HIPK2: variants seen among roughly 807,000 people sequenced by gnomAD.
The protein encoded by HIPK2 is homeodomain interacting protein kinase 2.
HIPK2 carries 27 observed loss-of-function variants against 113.7 expected under a neutral mutation model. That is an observed-to-expected ratio of 0.24 (90% CI 0.17 to 0.33). The LOEUF (loss-of-function observed/expected upper bound fraction) is 0.33, where lower values mean the gene tolerates loss of function less well. Ranked by LOEUF, HIPK2 falls within the 10% of genes least tolerant of loss-of-function variation. The probability of loss-of-function intolerance (pLI) is 1.00; values close to 1 mark genes in which losing one functional copy is unlikely to be tolerated. For synonymous variants in HIPK2, 631 were observed against 642.2 expected (o/e 0.98, Z 0.26); for missense variants, 1,257 against 1,588.0 (o/e 0.79, Z 3.54).
chr7:139,733,470 C>A (rs1369633729), intron 1 of HIPK2, among the ~76,000 whole-genome samples: 1 of 152,134 alleles, frequency 6.6e-6, no homozygotes, highest in Non-Finnish European at 1.5e-5. Flanking sequence ...ATGCTTATTG[C>A]AGATTTGTAT....
At chr7:139,738,211 G>A (rs1320247825) in intron 1 of HIPK2, among the ~76,000 whole-genome samples, 1 of 152,258 alleles carries the variant, frequency 6.6e-6, no homozygotes, top group Non-Finnish European at 1.5e-5. Flanking sequence ...AATGTAAACA[G>A]TGGCTCAGAT....
At chr7:139,762,395 C>T (rs1299380760) in intron 1 of HIPK2, among the ~76,000 whole-genome samples, 1 of 152,210 alleles carries the variant, frequency 6.6e-6, no homozygotes, top group Non-Finnish European at 1.5e-5. Flanking sequence ...TTTACCTCCA[C>T]TTCCTCATGT....
At chr7:139,577,587 C>T (rs573425158) in intron 13 of HIPK2, among the ~76,000 whole-genome samples, 1 of 152,318 alleles carries the variant, frequency 6.6e-6, no homozygotes, top group South Asian at 2.1e-4. Flanking sequence ...AAGGCTACGA[C>T]AAAGCAGCCT....
At position 139,626,633 on chromosome 7, in the gene HIPK2, C is replaced by T. The variant is rs1800440768; in HGVS notation, c.1587G>A (p.Met529Ile). 4.3e-6 allele frequency: 7 copies of T among 1,613,812 alleles called. 1 individual carries two copies. In the South Asian group the frequency reaches 5.5e-5, roughly 13 times the overall value. Residue 529 changes from methionine to isoleucine, a missense_variant, in exon 6 of 15, where the codon ATG (methionine) becomes ATA (isoleucine). This residue lies in a region of HIPK2 where 862 missense variants were observed against 1,004.3 expected (regional missense o/e 0.86). Coordinates refer to ENST00000406875, the MANE Select transcript of HIPK2 (RefSeq NM_022740.5). ...IETLNHPFVTMTHLLDFPHST... is the reference protein window; with the variant it reads ...IETLNHPFVTITHLLDFPHST... ...TGTGGGGAAAATCGAGTAAGTGTGT[C>T]ATGGTGACAAAGGGATGGTTCAGGG...
chr7:139,715,663 C>T (rs1314600554), intron 2 of HIPK2, among the ~76,000 whole-genome samples: 3 of 152,294 alleles, frequency 2.0e-5, no homozygotes, highest in African/African-American at 2.4e-5. Context: ...TCCGGGAGGA[C>T]GGAACTCTTC....
intron 11 of HIPK2, among the ~76,000 whole-genome samples, chr7:139,597,445 G>A (rs1799263019): frequency 6.6e-6 from 1 of 152,154 alleles, no homozygotes; most frequent in Admixed American, 6.5e-5. Context: ...ATTGGTGTTT[G>A]CCACATCAAG....
Position 139,638,863 on chromosome 7 carries a change from T to G in HIPK2, c.1104-7138A>C, listed in dbSNP as rs141434845. 4.3e-3 allele frequency among the ~76,000 whole-genome samples: 655 copies of G among 152,228 alleles called. 4 individuals carry two copies. Among genetic ancestry groups the G allele is most frequent in the African/African-American group, 0.015 (606 of 41,536 alleles). On this transcript the variant is annotated intron_variant, in intron 2 of 14. Transcript: ENST00000406875. ...TAGTAAAGACGCGGTTTCACCATGT[T>G]AGCTAGGATGGTCTCGATCTCCTGA...
rs56385642 is a variant in HIPK2, at chr7:139,596,920, T to C, written c.2514A>G (p.Thr838=). ...PQRSKRVKEN[T]PPRCAMVHSS... Reference sequence around the variant, plus strand: ...TGTGCACCATGGCACAGCGGGGAGGTGTGTTCTCCTTGACACGCTTGGATC... The same window carrying C: ...TGTGCACCATGGCACAGCGGGGAGGCGTGTTCTCCTTGACACGCTTGGATC... Residue 838 remains threonine, a synonymous_variant, in exon 12 of 15, where the codon ACA becomes ACG. Coordinates refer to ENST00000406875, the MANE Select transcript of HIPK2 (RefSeq NM_022740.5). 3.9e-4 allele frequency: 625 copies of C among 1,612,776 alleles called. 1 individual carries two copies. The highest frequency in any genetic ancestry group is 4.8e-4 in the Non-Finnish European group (571 of 1,179,318).
chr7:139,707,171 T>C (rs1382232831), intron 2 of HIPK2, among the ~76,000 whole-genome samples: 1 of 152,226 alleles, frequency 6.6e-6, no homozygotes, highest in Non-Finnish European at 1.5e-5. Flanking sequence ...AGCATCACTC[T>C]CCCGATTCCC....
At chr7:139,707,458 G>T (rs1385079116) in intron 2 of HIPK2, among the ~76,000 whole-genome samples, 1 of 152,264 alleles carries the variant, frequency 6.6e-6, no homozygotes. Context: ...CTCTCACAGG[G>T]CGGCATCGAG....
At chr7:139,704,377 AACACACCAC>A (rs1191905257) in intron 2 of HIPK2, among the ~76,000 whole-genome samples, 5 of 48,188 alleles carry the variant, frequency 1.0e-4, no homozygotes, top group African/African-American at 2.5e-4. Context: ...ATACACACCC[AACACACCAC>A]ACACACCACA....
At chr7:139,619,062 A>G (rs1283871539) in intron 7 of HIPK2, among the ~76,000 whole-genome samples, 2 of 152,178 alleles carry the variant, frequency 1.3e-5, no homozygotes, top group East Asian at 1.9e-4. Flanking sequence ...CGGCCCCCAG[A>G]GGGCAGCAGA....
Position 139,631,498 on chromosome 7 carries a change from T to A in HIPK2, c.1227+104A>T, listed in dbSNP as rs912132876. 6.6e-7 allele frequency: 1 copy of A among 1,506,410 alleles called. No individual in the cohort carries two copies. The highest frequency in any genetic ancestry group is 8.9e-7 in the Non-Finnish European group (1 of 1,126,148). The allele number at this position is 1,506,410 out of a possible 1,614,324, so 93.3% of individuals were successfully genotyped here. A position where few individuals can be genotyped will look rare whatever the true frequency, so the allele number is the denominator to read the frequency against. On this transcript the variant is annotated intron_variant, in intron 3 of 14. Coordinates refer to ENST00000406875, the MANE Select transcript of HIPK2 (RefSeq NM_022740.5). The surrounding 1 kb of genome is among the most constrained non-coding windows in gnomAD (Gnocchi z 4.9). ...CAAGGTTTGGGAGACAACGTGACAT[T>A]CCACAGTCCCGCCCATTTGTCATGT... is the stretch of plus-strand genomic sequence containing the variant.
chr7:139,759,244 A>G (rs1796424796), intron 1 of HIPK2, among the ~76,000 whole-genome samples: 1 of 152,180 alleles, frequency 6.6e-6, no homozygotes, highest in South Asian at 2.1e-4. Context: ...ACAAAATACC[A>G]TTTCTCACCT....
At chr7:139,697,851 T>C (rs1192142851) in intron 2 of HIPK2, among the ~76,000 whole-genome samples, 8 of 151,824 alleles carry the variant, frequency 5.3e-5, no homozygotes, top group Non-Finnish European at 1.2e-4. Context: ...ATATGCATTC[T>C]GTCTTAATGG....
At chr7:139,650,466 G>GT (rs528006115) in intron 2 of HIPK2, among the ~76,000 whole-genome samples, 8,461 of 144,308 alleles carry the variant, frequency 0.059, 269 homozygotes, top group Middle Eastern at 0.078. Flanking sequence ...TTCCCTTCGG[G>GT]TTTTTTTTTT....
At chr7:139,734,474 G>A (rs181263894) in intron 1 of HIPK2, among the ~76,000 whole-genome samples, 3 of 152,314 alleles carry the variant, frequency 2.0e-5, no homozygotes, top group Non-Finnish European at 4.4e-5. Context: ...GCCCCCATGG[G>A]AGAATCAGCT....
rs111561392 is a variant in HIPK2 at position 139,603,314 on chromosome 7, G to C, written c.2255+767C>G. Among the ~76,000 whole-genome samples, 742 of 152,236 alleles carry C rather than the reference G, an allele frequency of 4.9e-3. 4 individuals are homozygous for C. Among genetic ancestry groups the C allele is most frequent in the African/African-American group, 0.017 (690 of 41,536 alleles). ...ATGAGGAGTTGGGGACAACTTGGAGGGTTGCCATCTGGCTCTGCACTGGTG... is the reference window on the plus strand; with the variant it reads ...ATGAGGAGTTGGGGACAACTTGGAGCGTTGCCATCTGGCTCTGCACTGGTG... On this transcript the variant is annotated intron_variant, in intron 10 of 14. Coordinates refer to ENST00000406875, the MANE Select transcript of HIPK2 (RefSeq NM_022740.5).
At chr7:139,730,975 C>A (rs1356006915) in intron 1 of HIPK2, among the ~76,000 whole-genome samples, 1 of 152,132 alleles carries the variant, frequency 6.6e-6, no homozygotes, top group Non-Finnish European at 1.5e-5. Context: ...CGAGAGAAGG[C>A]AAGAAGGGGA....
Sources: gnomAD v4.1 joint callset for allele counts (sites outside exome capture counted in the v4.1 genomes callset) on GRCh38, gnomAD v4.1.1 for gene constraint, gnomAD v4.1.1 regional missense constraint, Gnocchi (gnomAD v3.1) non-coding constraint, MANE v1.5 for transcripts, NCBI Gene and HGNC (gene_info 2026-07-23, HGNC 2026-07-21) for gene names.